SCNN1A: variants seen among roughly 807,000 people sequenced by gnomAD.
The protein encoded by SCNN1A is sodium channel epithelial 1 subunit alpha, also known as epithelial sodium channel subunit alpha.
A neutral mutation model predicts 68.6 loss-of-function variants in SCNN1A; 65 were observed. The observed-to-expected ratio is 0.95, with a 90% CI of 0.78 to 1.16. SCNN1A has a LOEUF of 1.16. SCNN1A is among the 50% of genes most tolerant of loss of function. The pLI, the probability that SCNN1A is intolerant of heterozygous loss-of-function variation, is 0.00. For missense variants in SCNN1A, 880 were observed against 865.9 expected (o/e 1.02, Z -0.20); for synonymous variants, 357 against 353.3 (o/e 1.01, Z -0.12).
Position 6,347,634 on chromosome 12 carries a change from T to G in SCNN1A, c.*239A>C. ...CCGCAGTTGGGTGGGGAAACCAGAG[T>G]GTTCAGAGGCAGTACCAAGGGGTAC... On this transcript the variant is annotated 3_prime_UTR_variant, in exon 13 of 13. Coordinates refer to ENST00000228916, the MANE Select transcript of SCNN1A (RefSeq NM_001038.6). 1 of 532,476 alleles carries G rather than the reference T, an allele frequency of 1.9e-6. No homozygotes were observed. Among genetic ancestry groups the G allele is most frequent in the East Asian group, 2.9e-5 (1 of 34,198 alleles). 33.0% of individuals were successfully genotyped at this position (532,476 alleles called of 1,614,324 possible).
chr12:6,348,026 G>C lies in SCNN1A; in HGVS notation c.1857C>G (p.Pro619=). ...GGGACAAGGACAGAGACATGGGGTG[G>C]GGGCAGAAGTGGGAAGGAGGGGAGG... ...LASSPPSHFC[P]HPMSLSLSQP... Residue 619 remains proline, a synonymous_variant, in exon 13 of 13, where the codon CCC becomes CCG. Transcript: ENST00000228916. The C allele has an allele frequency of 6.2e-7, 1 of 1,601,042 alleles. No homozygotes were observed. Among genetic ancestry groups the C allele is most frequent in the Non-Finnish European group, 8.5e-7 (1 of 1,173,602 alleles).
In SCNN1A at chr12:6,369,702, T is replaced by C. The variant is rs192272483; in HGVS notation, c.416+4666A>G. Reference sequence around the variant, plus strand: ...ATGATAAATTAGCCGGGCATGGTGGTGGGCGCCTGTAGTCCCAGCTACTCT... The same window carrying C: ...ATGATAAATTAGCCGGGCATGGTGGCGGGCGCCTGTAGTCCCAGCTACTCT... On this transcript the variant is annotated intron_variant, in intron 2 of 12. Coordinates refer to ENST00000228916, the MANE Select transcript of SCNN1A (RefSeq NM_001038.6). 1.5e-3 allele frequency among the ~76,000 whole-genome samples: 231 copies of C among 151,816 alleles called. No homozygotes were observed. In the East Asian group the frequency reaches 0.018, roughly 12 times the overall value.
At position 6,347,770 on chromosome 12, in the gene SCNN1A, G is replaced by A. The variant is rs566145784; in HGVS notation, c.*103C>T. On this transcript the variant is annotated 3_prime_UTR_variant, in exon 13 of 13. Coordinates refer to ENST00000228916, the MANE Select transcript of SCNN1A (RefSeq NM_001038.6). The stretch of plus-strand genomic sequence containing the variant: ...CCTCCACACATCAACGGCAGTTTGG[G>A]CGGCTCTGAGAGGAAGCCCTGCACA... 2 of 1,014,450 alleles carry A rather than the reference G, an allele frequency of 2.0e-6. No homozygotes were observed. The highest frequency in any genetic ancestry group is 1.4e-5 in the South Asian group (1 of 72,856). The allele number at this position is 1,014,450 out of a possible 1,614,324, so 62.8% of individuals were successfully genotyped here.
At chr12:6,376,704 T>C (rs1338637056), upstream of SCNN1A, among the ~76,000 whole-genome samples, 1 of 152,154 alleles carries the variant, frequency 6.6e-6, no homozygotes, top group Non-Finnish European at 1.5e-5. Context: ...CAAAAAGGGC[T>C]GGAGGAGACT....
At chr12:6,369,317 G>GCCTCCCTCCTGCCACCCTACT (rs1948740043) in intron 2 of SCNN1A, among the ~76,000 whole-genome samples, 3 of 113,308 alleles carry the variant, frequency 2.6e-5, no homozygotes, top group South Asian at 6.5e-4. Context: ...GCCACCCTAC[G>GCCTCCCTCCTGCCACCCTACT]CACCTCCCTC....
upstream of SCNN1A, chr12:6,377,074 G>T: frequency 1.8e-6 from 1 of 556,086 alleles, no homozygotes. Context: ...CAGAGAAGGT[G>T]TCATCTCTGC....
rs746692672 is a variant in SCNN1A at position 6,347,848 on chromosome 12, G to C, written c.*25C>G. On this transcript the variant is annotated 3_prime_UTR_variant, in exon 13 of 13. Coordinates refer to ENST00000228916, the MANE Select transcript of SCNN1A (RefSeq NM_001038.6). ...CTCCCACCAGAGGAGCATCTGCCTTGGTGTGAGAAACCTCTCCTTCCCTCT... is the reference window on the plus strand; with the variant it reads ...CTCCCACCAGAGGAGCATCTGCCTTCGTGTGAGAAACCTCTCCTTCCCTCT... 107 of 1,586,532 alleles carry C rather than the reference G, an allele frequency of 6.7e-5. No homozygotes were observed. Among genetic ancestry groups the C allele is most frequent in the Non-Finnish European group, 8.8e-5 (102 of 1,162,378 alleles).
intron 2 of SCNN1A, among the ~76,000 whole-genome samples, chr12:6,366,800 C>CA (rs549082404): frequency 2.1e-3 from 216 of 104,170 alleles, no homozygotes; most frequent in Middle Eastern, 5.9e-3. Flanking sequence ...AACTCCATCT[C>CA]AAAAAAAAAA....
chr12:6,369,296 A>ACCTCCCTCCTGCCACCCTACGCG (rs1948738542), intron 2 of SCNN1A, among the ~76,000 whole-genome samples: 2 of 106,804 alleles, frequency 1.9e-5, no homozygotes, highest in Non-Finnish European at 2.0e-5. Context: ...CACCCTACTC[A>ACCTCCCTCCTGCCACCCTACGCG]CCTCCCTCCT....
chr12:6,354,196 T>A lies in SCNN1A; in HGVS notation c.1360+242A>T, dbSNP rs573850644. Among the ~76,000 whole-genome samples, 275 of 151,360 alleles carry A rather than the reference T, an allele frequency of 1.8e-3. 1 individual carries two copies. The highest frequency in any genetic ancestry group is 2.4e-3 in the Non-Finnish European group (164 of 67,824). On this transcript the variant is annotated intron_variant, in intron 8 of 12. Transcript: ENST00000228916. Reference sequence around the variant, plus strand: ...CAGTGAGCCGAGATCGCGCCACTGCTCTCCAGCCTGGGTGACAGAGCGAGA... The same window carrying A: ...CAGTGAGCCGAGATCGCGCCACTGCACTCCAGCCTGGGTGACAGAGCGAGA...
chr12:6,377,271 C>G (rs778939157), upstream of SCNN1A: 2 of 1,550,864 alleles, frequency 1.3e-6, no homozygotes, highest in South Asian at 2.4e-5. Flanking sequence ...GCTCATGATA[C>G]CTCCCCTTGG....
At chr12:6,349,751 G>T (rs1186159007) in intron 8 of SCNN1A, 1 of 257,070 alleles carries the variant, frequency 3.9e-6, no homozygotes, top group South Asian at 4.2e-5. Flanking sequence ...TTTTTAGACG[G>T]AGTTTCGCTC....
chr12:6,357,486 A>G (rs1948516323), intron 4 of SCNN1A, among the ~76,000 whole-genome samples: 1 of 152,068 alleles, frequency 6.6e-6, no homozygotes, highest in East Asian at 1.9e-4. Flanking sequence ...AGGCAGAAGA[A>G]TCGCTTGAAC....
In SCNN1A at chr12:6,372,080, C is replaced by T. The variant is rs1292947098; in HGVS notation, c.416+2288G>A. 6.6e-6 allele frequency among the ~76,000 whole-genome samples: 1 copy of T among 152,174 alleles called. No individual in the cohort carries two copies. The highest frequency in any genetic ancestry group is 1.5e-5 in the Non-Finnish European group (1 of 68,028). On this transcript the variant is annotated intron_variant, in intron 2 of 12. Coordinates refer to ENST00000228916, the MANE Select transcript of SCNN1A (RefSeq NM_001038.6). The surrounding 1 kb of genome is among the most constrained non-coding windows in gnomAD (Gnocchi z 5.8). ...CCTTGTTTGAGCTCCATCCCAGATC[C>T]CTCAATGCCTGCCTTGGCCTCCCAA...
Position 6,363,789 on chromosome 12 carries a change from C to CTGTG in SCNN1A, c.417-83_417-80dup, listed in dbSNP as rs1284649251. On this transcript the variant is annotated intron_variant, in intron 2 of 12. Transcript: ENST00000228916. ...GCCCCTCCGGGGTCAGGGTCCTCAT[C>CTGTG]TGTGCCCCGGGAGGCCGGTCCATCC... The CTGTG allele has an allele frequency of 2.9e-6, 4 of 1,399,186 alleles. No individual in the cohort carries two copies. In the African/African-American group the frequency reaches 5.9e-5, roughly 21 times the overall value. 86.7% of individuals were successfully genotyped at this position (1,399,186 alleles called of 1,614,324 possible).
At chr12:6,373,878 A>T (rs529473864) in intron 2 of SCNN1A, among the ~76,000 whole-genome samples, 9 of 152,098 alleles carry the variant, frequency 5.9e-5, no homozygotes, top group African/African-American at 1.9e-4. Context: ...TCCATAATAA[A>T]TTCCCCTTCT....
At position 6,368,273 on chromosome 12, in the gene SCNN1A, C is replaced by T. The variant is rs146899177; in HGVS notation, c.417-4563G>A. 2.6e-3 allele frequency among the ~76,000 whole-genome samples: 392 copies of T among 152,282 alleles called. 2 individuals carry two copies. The highest frequency in any genetic ancestry group is 5.8e-3 in the East Asian group (30 of 5,184). ...GGCTGCTGCATGATTCGATAATATT[C>T]GTGGACAGGAAAAGGAAAGTGACCC... On this transcript the variant is annotated intron_variant, in intron 2 of 12. Transcript: ENST00000228916.
chr12:6,370,397 G>C (rs954420447), intron 2 of SCNN1A, among the ~76,000 whole-genome samples: 5 of 152,030 alleles, frequency 3.3e-5, no homozygotes, highest in African/African-American at 1.2e-4. Context: ...CCCCTCTTCC[G>C]TGTCCAGGAC....
intron 2 of SCNN1A, among the ~76,000 whole-genome samples, chr12:6,367,810 A>G (rs1948705990): frequency 1.3e-5 from 2 of 152,236 alleles, no homozygotes; most frequent in Non-Finnish European, 2.9e-5. Context: ...TGGAGCCAGA[A>G]CAAGGTTGTT....
Sources: gnomAD v4.1 joint callset for allele counts (sites outside exome capture counted in the v4.1 genomes callset) on GRCh38, gnomAD v4.1.1 for gene constraint, Gnocchi (gnomAD v3.1) non-coding constraint, MANE v1.5 for transcripts, NCBI Gene and HGNC (gene_info 2026-07-23, HGNC 2026-07-21) for gene names.